UBL7: variants seen among roughly 807,000 people sequenced by gnomAD.
The protein encoded by UBL7 is ubiquitin like 7, also known as ubiquitin-like protein 7.
In UBL7, 21 loss-of-function variants were observed where a neutral mutation model predicts 41.7. The observed-to-expected ratio is 0.50, with a 90% confidence interval of 0.36 to 0.73. The LOEUF is 0.73. Ranked by LOEUF, UBL7 falls within the 30% of genes least tolerant of loss-of-function variation. The probability of loss-of-function intolerance (pLI) is 0.00; values close to 1 mark genes in which losing one functional copy is unlikely to be tolerated. For synonymous variants in UBL7, 157 were observed against 186.9 expected (o/e 0.84, Z 1.31); for missense variants, 403 against 478.4 (o/e 0.84, Z 1.47).
rs776746821 is a variant in UBL7, at chr15:74,446,175, T to A, written c.1058A>T (p.Asp353Val). ...CTGCAGGGCCCGCAGGCTCAGCTCA[T>A]CGTCCTGGATGCCCATGTCACGTAG... is the stretch of plus-strand genomic sequence containing the variant. ...QQLRDMGIQD[D>V]ELSLRALQAT... Residue 353 changes from aspartate (D) to valine (V), a missense_variant, in exon 11 of 11, where the codon GAT (aspartate) becomes GTT (valine). By Grantham distance (152) the Asp-to-Val change is radical (BLOSUM62 -3). Coordinates refer to ENST00000395081, the MANE Select transcript of UBL7 (RefSeq NM_032907.5). This position sits in a 1 kb window ranked among gnomAD's most constrained non-coding sequence, Gnocchi z 4.1. 1 of 1,613,986 alleles carries A rather than the reference T, an allele frequency of 6.2e-7. No homozygotes were observed. Among genetic ancestry groups the A allele is most frequent in the South Asian group, 1.1e-5 (1 of 91,088 alleles).
At chr15:74,449,379 A>C in intron 8 of UBL7, 26 bp from the exon 9 acceptor site, 1 of 1,613,206 alleles carries the variant, frequency 6.2e-7, no homozygotes, top group Non-Finnish European at 8.5e-7. Context: ...ACTCAGAATC[A>C]GGGAAGCAGT....
intron 4 of UBL7, 73 bp downstream of exon 4, chr15:74,452,223 C>G (rs1319450561): frequency 6.7e-7 from 1 of 1,488,690 alleles, no homozygotes; most frequent in Non-Finnish European, 9.1e-7. Context: ...CCAGCTCCCA[C>G]TCCACACCAC....
chr15:74,447,551 C>A (rs1567086339), intron 10 of UBL7, among the ~76,000 whole-genome samples: 1 of 152,022 alleles, frequency 6.6e-6, no homozygotes, highest in African/African-American at 2.4e-5. Context: ...ACAAAAAATA[C>A]AAAAAATTAG....
Position 74,449,926 on chromosome 15 carries a change from A to G in UBL7, c.664+10T>C, listed in dbSNP as rs762860005. On this transcript the variant is annotated intron_variant, in intron 7 of 10. Transcript: ENST00000395081. ...CTGAGGGGCCCACATTACACTTTTC[A>G]GGCGCTCACCTGGCATATCCCGGTA... The G allele has an allele frequency of 6.2e-6, 10 of 1,607,098 alleles. 1 individual carries two copies. The South Asian group carries it at 1.1e-4, about 18-fold the overall frequency.
At chr15:74,456,790 C>G (rs1283679332) in intron 2 of UBL7, 119 bp from the exon 3 acceptor site, 1 of 1,200,852 alleles carries the variant, frequency 8.3e-7, no homozygotes, top group Non-Finnish European at 1.2e-6. Flanking sequence ...AAAAGATACT[C>G]TTATTCAATA....
chr15:74,450,429 G>C (rs548038601), intron 6 of UBL7, among the ~76,000 whole-genome samples: 1 of 152,280 alleles, frequency 6.6e-6, no homozygotes, highest in South Asian at 2.1e-4. Flanking sequence ...TCTCTTCCCA[G>C]GGTGGGGCTG....
intron 5 of UBL7, 118 bp from the exon 6 acceptor site, chr15:74,450,977 T>C: frequency 9.6e-7 from 1 of 1,038,640 alleles, no homozygotes; most frequent in Non-Finnish European, 1.5e-6. Flanking sequence ...AAGCCAATCT[T>C]CATGAGAAGT....
At chr15:74,458,923 T>TA (rs2061320549) in intron 1 of UBL7, 27 bp from the exon 2 acceptor site, 1 of 1,594,138 alleles carries the variant, frequency 6.3e-7, no homozygotes, top group Non-Finnish European at 8.5e-7. Flanking sequence ...CCTCAGTGGT[T>TA]AAAAGACAGA....
chr15:74,452,040 A>C (rs568564028), intron 4 of UBL7, among the ~76,000 whole-genome samples: 1 of 152,352 alleles, frequency 6.6e-6, no homozygotes, highest in South Asian at 2.1e-4. Context: ...CAGCAGAAAC[A>C]GTATGAGGAT....
intron 2 of UBL7, among the ~76,000 whole-genome samples, chr15:74,457,535 T>A (rs2061305956): frequency 6.7e-6 from 1 of 149,514 alleles, no homozygotes; most frequent in Non-Finnish European, 1.5e-5. Flanking sequence ...AGAGCAAGAC[T>A]CTGTCTCAAA....
chr15:74,460,749 T>G lies in UBL7; in HGVS notation c.-30+288A>C, dbSNP rs552191521. The stretch of plus-strand genomic sequence containing the variant: ...TGCAAAGCAAGATAAGTTCTTGTTA[T>G]AGTCATCATTATTGCTTCCAAAGAG... On this transcript the variant is annotated intron_variant, in intron 1 of 10. Transcript: ENST00000395081. The G allele has an allele frequency of 4.7e-5, 61 of 1,285,844 alleles. No homozygotes were observed. The African/African-American group carries it at 7.2e-4, about 15-fold the overall frequency. The allele number at this position is 1,285,844 out of a possible 1,614,324, so 79.7% of individuals were successfully genotyped here.
chr15:74,459,793 C>T (rs2061330845), intron 1 of UBL7, among the ~76,000 whole-genome samples: 1 of 145,132 alleles, frequency 6.9e-6, no homozygotes, highest in South Asian at 2.2e-4. Context: ...TGGTGAAACC[C>T]GTCACTACTA....
chr15:74,453,273 C>G (rs2061266314), intron 3 of UBL7, among the ~76,000 whole-genome samples: 5 of 152,122 alleles, frequency 3.3e-5, no homozygotes, highest in Admixed American at 2.6e-4. Flanking sequence ...TGGCTTTAGG[C>G]AAGGAACTAG....
At position 74,451,514 on chromosome 15, in the gene UBL7, T is replaced by TA; in HGVS notation, c.393dup (p.Lys132Ter). On this transcript the variant is annotated frameshift_variant, in exon 5 of 11. Coordinates refer to ENST00000395081, the MANE Select transcript of UBL7 (RefSeq NM_032907.5). LOFTEE classifies it high-confidence loss of function. ...AGAGACTCCTTATTGCTGAGCATCTTAAAGACCTGCAGGAGAAATGGCGGG... is the reference window on the plus strand; with the variant it reads ...AGAGACTCCTTATTGCTGAGCATCTTAAAAGACCTGCAGGAGAAATGGCGGG... The TA allele has an allele frequency of 6.2e-7, 1 of 1,614,000 alleles. No individual in the cohort carries two copies.
chr15:74,460,929 C>A (rs1002732499), intron 1 of UBL7, 108 bp downstream of exon 1: 1 of 1,149,838 alleles, frequency 8.7e-7, no homozygotes, highest in Non-Finnish European at 1.1e-6. Context: ...CTAAGGCAGG[C>A]ATTAGCCACA....
In UBL7 at chr15:74,461,111, T is replaced by G. The variant is rs540294404; in HGVS notation, c.-104A>C. 1 of 997,862 alleles carries G rather than the reference T, an allele frequency of 1.0e-6. No individual in the cohort carries two copies. The highest frequency in any genetic ancestry group is 5.7e-5 in the Admixed American group (1 of 17,528). 61.8% of individuals were successfully genotyped at this position (997,862 alleles called of 1,614,324 possible). A position where few individuals can be genotyped will look rare whatever the true frequency, so the allele number is the denominator to read the frequency against. The stretch of plus-strand genomic sequence containing the variant: ...CCCAGGGCCCCAGCGCCCTCACCCG[T>G]CCCGCGGAAGGAACCCGGCCGCACT... On this transcript the variant is annotated 5_prime_UTR_variant, in exon 1 of 11. Coordinates refer to ENST00000395081, the MANE Select transcript of UBL7 (RefSeq NM_032907.5).
In UBL7 at chr15:74,459,301, A is replaced by AT. The variant is rs61137560; in HGVS notation, c.-29-406dup. Among the ~76,000 whole-genome samples, 689 of 130,864 alleles carry AT rather than the reference A, an allele frequency of 5.3e-3. 2 individuals carry two copies. The highest frequency in any genetic ancestry group is 0.012 in the Middle Eastern group (3 of 258). 85.9% of individuals were successfully genotyped at this position (130,864 alleles called of 152,430 possible). ...ATGCTGCCACCTAACAACACCCATC[A>AT]TTTTTTTTTTTTTTTTTGAGACGGA... On this transcript the variant is annotated intron_variant, in intron 1 of 10. Coordinates refer to ENST00000395081, the MANE Select transcript of UBL7 (RefSeq NM_032907.5).
At chr15:74,452,113 G>A (rs1390350761) in intron 4 of UBL7, among the ~76,000 whole-genome samples, 183 bp downstream of exon 4, 2 of 152,184 alleles carry the variant, frequency 1.3e-5, no homozygotes, top group African/African-American at 2.4e-5. Flanking sequence ...AACAACGCCT[G>A]ACTGAGACAG....
In UBL7 at chr15:74,458,688, C is replaced by A. The variant is rs1355198965; in HGVS notation, c.180G>T (p.Leu60=). Residue 60 remains leucine (L), a synonymous_variant, in exon 2 of 11, where the codon CTG becomes CTT. Coordinates refer to ENST00000395081, the MANE Select transcript of UBL7 (RefSeq NM_032907.5). ...CCCCAGTCCAGAGAGACTCACCAAT[C>A]AGCTCAGGGTCTGGAACAGACTCCT... ...KLQESVPDPE[L]IDLIYCGRKL... The A allele has an allele frequency of 6.2e-7, 1 of 1,610,838 alleles. No individual in the cohort carries two copies. The highest frequency in any genetic ancestry group is 1.1e-5 in the South Asian group (1 of 91,038).
Sources: allele counts gnomAD v4.1 joint callset (sites outside exome capture counted in the v4.1 genomes callset), GRCh38; gene constraint gnomAD v4.1.1; non-coding constraint Gnocchi (gnomAD v3.1); transcripts MANE v1.5; gene names NCBI Gene and HGNC (gene_info 2026-07-23, HGNC 2026-07-21).